GRIN2B: variants seen among roughly 807,000 people sequenced by gnomAD.
The protein encoded by GRIN2B is glutamate ionotropic receptor NMDA type subunit 2B, also known as glutamate receptor ionotropic, NMDA 2B.
In GRIN2B, 5 loss-of-function variants were observed where a neutral mutation model predicts 114.5. That is an observed-to-expected ratio of 0.04 (90% CI 0.02 to 0.09). GRIN2B has a LOEUF of 0.09. Among genes scored for constraint, GRIN2B ranks in the 10% least tolerant of loss-of-function variants. GRIN2B has a pLI of 1.00. For missense variants in GRIN2B, 1,108 were observed against 1,943.5 expected, an observed-to-expected ratio of 0.57 and a Z score of 8.08; for synonymous variants, 787 against 745.1, an observed-to-expected ratio of 1.06 and a Z score of -0.92.
intron 3 of GRIN2B, among the ~76,000 whole-genome samples, chr12:13,838,516 G>A (rs1224224562): frequency 6.6e-6 from 1 of 152,036 alleles, no homozygotes; most frequent in Admixed American, 6.6e-5. Flanking sequence ...TTACTTCAAT[G>A]GCCTCTTCTG....
At chr12:13,817,254 T>C (rs556849488) in intron 3 of GRIN2B, among the ~76,000 whole-genome samples, 14 of 152,126 alleles carry the variant, frequency 9.2e-5, no homozygotes, top group Non-Finnish European at 1.9e-4. Flanking sequence ...AGGGGGTAAA[T>C]GACAGTCAGA....
At chr12:13,715,733 G>T (rs934660307) in intron 4 of GRIN2B, among the ~76,000 whole-genome samples, 5 of 151,866 alleles carry the variant, frequency 3.3e-5, no homozygotes, top group Non-Finnish European at 7.4e-5. Flanking sequence ...AGTATTTTAA[G>T]ATTACTGTAC....
intron 4 of GRIN2B, among the ~76,000 whole-genome samples, chr12:13,690,178 T>C (rs553551846): frequency 1.3e-5 from 2 of 152,228 alleles, no homozygotes; most frequent in South Asian, 4.1e-4. Context: ...TGGTAAGTAT[T>C]CAATAATACT....
chr12:13,632,761 T>C (rs1949627250), intron 5 of GRIN2B, among the ~76,000 whole-genome samples: 1 of 152,202 alleles, frequency 6.6e-6, no homozygotes, highest in Non-Finnish European at 1.5e-5. Flanking sequence ...GGTGTGCAGG[T>C]AGACTGGTAG....
At chr12:13,967,064 G>A (rs982747095) in intron 2 of GRIN2B, among the ~76,000 whole-genome samples, 5 of 152,314 alleles carry the variant, frequency 3.3e-5, no homozygotes, top group Admixed American at 2.0e-4. Flanking sequence ...AGGAGCTGAG[G>A]AAGTACAAGT....
chr12:13,754,625 A>C (rs1352023206), intron 3 of GRIN2B, among the ~76,000 whole-genome samples: 1 of 152,208 alleles, frequency 6.6e-6, no homozygotes, highest in African/African-American at 2.4e-5. Context: ...TTGCTCTCTA[A>C]CTTCTACTCT....
At chr12:13,706,509 A>G (rs1213497183) in intron 4 of GRIN2B, among the ~76,000 whole-genome samples, 2 of 152,146 alleles carry the variant, frequency 1.3e-5, no homozygotes, top group Non-Finnish European at 2.9e-5. Flanking sequence ...CAGGACACCG[A>G]CATGCCTCCC....
chr12:13,885,433 G>C (rs1404009373), intron 2 of GRIN2B, among the ~76,000 whole-genome samples: 1 of 152,172 alleles, frequency 6.6e-6, no homozygotes, highest in Non-Finnish European at 1.5e-5. Flanking sequence ...CACTAGCCGG[G>C]TGTGGTTAGA....
intron 3 of GRIN2B, among the ~76,000 whole-genome samples, chr12:13,812,829 T>C (rs1864757621): frequency 6.6e-6 from 1 of 152,010 alleles, no homozygotes; most frequent in Non-Finnish European, 1.5e-5. Flanking sequence ...GTCCTTAACG[T>C]GACAACTGTA....
chr12:13,872,965 G>A (rs1324472051), intron 2 of GRIN2B, among the ~76,000 whole-genome samples: 1 of 151,998 alleles, frequency 6.6e-6, no homozygotes, highest in Non-Finnish European at 1.5e-5. Flanking sequence ...CAAAATAATA[G>A]TAAGATTTTA....
chr12:13,811,548 T>A (rs1864730527), intron 3 of GRIN2B, among the ~76,000 whole-genome samples: 1 of 152,230 alleles, frequency 6.6e-6, no homozygotes, highest in Non-Finnish European at 1.5e-5. Flanking sequence ...GCCACTGTAC[T>A]CAGCCTGGGT....
At chr12:13,567,468 G>A (rs911033416) in intron 12 of GRIN2B, among the ~76,000 whole-genome samples, 1 of 152,192 alleles carries the variant, frequency 6.6e-6, no homozygotes, top group African/African-American at 2.4e-5. Flanking sequence ...TACTTAGTAA[G>A]CATTCAATAA....
chr12:13,921,222 C>A (rs984430572), intron 2 of GRIN2B, among the ~76,000 whole-genome samples: 1 of 151,996 alleles, frequency 6.6e-6, no homozygotes, highest in African/African-American at 2.4e-5. Flanking sequence ...TATGGTGAAA[C>A]CCCATCTCTA....
At chr12:13,611,630 T>A in intron 9 of GRIN2B, 95 bp downstream of exon 9, 1 of 1,228,572 alleles carries the variant, frequency 8.1e-7, no homozygotes, top group Non-Finnish European at 1.2e-6. Context: ...GAAATGGATA[T>A]GCTAGGGAAA....
rs113940516 is a variant in GRIN2B at position 13,689,577 on chromosome 12, C to A, written c.1011-13718G>T. Among the ~76,000 whole-genome samples the A allele has an allele frequency of 5.3e-5, 8 of 152,276 alleles. No homozygotes were observed. The East Asian group carries it at 1.3e-3, about 26-fold the overall frequency. Reference sequence around the variant, plus strand: ...CATACCCAGATACTTGCAACAGCCTCCTCCTGGGCCCTTTGCCTTATATCA... The same window carrying A: ...CATACCCAGATACTTGCAACAGCCTACTCCTGGGCCCTTTGCCTTATATCA... On this transcript the variant is annotated intron_variant, in intron 4 of 13. Transcript: ENST00000609686.
In GRIN2B at chr12:13,547,611, C is replaced by T. The variant is rs1948359321; in HGVS notation, c.*15172G>A. 1 of 152,106 alleles carries T rather than the reference C, an allele frequency of 6.6e-6. No homozygotes were observed. 9.4% of individuals were successfully genotyped at this position (152,106 alleles called of 1,614,324 possible). ...AGGAAAGGAGAAAACAATAATTGGCCTAGGAGATGGGAGTTTTGTTCTTGG... is the reference window on the plus strand; with the variant it reads ...AGGAAAGGAGAAAACAATAATTGGCTTAGGAGATGGGAGTTTTGTTCTTGG... On this transcript the variant is annotated 3_prime_UTR_variant, in exon 14 of 14. Transcript: ENST00000609686.
chr12:13,897,990 T>TAATAAATA (rs58807255), intron 2 of GRIN2B, among the ~76,000 whole-genome samples: 10,606 of 144,588 alleles, frequency 0.073, 735 homozygotes, highest in East Asian at 0.28. Flanking sequence ...TAAAGTATAA[T>TAATAAATA]AATAAATAAA....
At chr12:13,789,426 T>G (rs2136663026) in intron 3 of GRIN2B, among the ~76,000 whole-genome samples, 1 of 152,312 alleles carries the variant, frequency 6.6e-6, no homozygotes, top group South Asian at 2.1e-4. Flanking sequence ...TAGTTTAGGA[T>G]GCCCCACTCC....
chr12:13,617,687 A>G (rs1262430480), intron 5 of GRIN2B, among the ~76,000 whole-genome samples: 8 of 152,214 alleles, frequency 5.3e-5, no homozygotes, highest in Admixed American at 3.9e-4. Context: ...CATTTTCTCA[A>G]TCTATGATTT....
Sources: gnomAD v4.1 joint callset for allele counts (sites outside exome capture counted in the v4.1 genomes callset) on GRCh38, gnomAD v4.1.1 for gene constraint, MANE v1.5 for transcripts, NCBI Gene and HGNC (gene_info 2026-07-23, HGNC 2026-07-21) for gene names.